The following LRFN3 variants were observed in gnomAD, a reference collection of about 807,000 sequenced individuals.
LRFN3 encodes leucine-rich repeat and fibronectin type-III domain-containing protein 3.
Under a neutral mutation model 23.8 loss-of-function variants are expected in LRFN3, and 8 were observed. That is an observed-to-expected ratio of 0.34 (90% confidence interval 0.20 to 0.61). The LOEUF (loss-of-function observed/expected upper bound fraction) is 0.61, where lower values mean the gene tolerates loss of function less well. Ranked by LOEUF, LRFN3 falls within the 20% of genes least tolerant of loss-of-function variation. The probability of loss-of-function intolerance (pLI) is 0.80; values close to 1 mark genes in which losing one functional copy is unlikely to be tolerated. For missense variants in LRFN3, 736 were observed against 935.3 expected (o/e 0.79, Z 2.78); for synonymous variants, 451 against 450.6 (o/e 1.00, Z -0.01).
rs951681667 is a variant in LRFN3 at position 35,937,322 on chromosome 19, A to G, written c.-250A>G. The G allele has an allele frequency of 3.9e-5, 6 of 152,258 alleles. No individual in the cohort carries two copies. The highest frequency in any genetic ancestry group is 1.4e-4 in the African/African-American group (6 of 41,406). The allele number at this position is 152,258 out of a possible 1,614,324, so 9.4% of individuals were successfully genotyped here. ...GACCTGGGAGACCCTGACCCTGAAC[A>G]ACCCAAACTGGACCCGTAAAACTGG... is the stretch of plus-strand genomic sequence containing the variant. On this transcript the variant is annotated 5_prime_UTR_variant, in exon 1 of 3. Coordinates refer to ENST00000246529, the MANE Select transcript of LRFN3 (RefSeq NM_024509.2).
chr19:35,939,771 G>A lies in LRFN3; in HGVS notation c.346G>A (p.Gly116Ser). The A allele has an allele frequency of 6.2e-7, 1 of 1,604,740 alleles. No homozygotes were observed. Among genetic ancestry groups the A allele is most frequent in the Non-Finnish European group, 8.5e-7 (1 of 1,179,574 alleles). The change falls in exon 2 of 3, where the codon GGC becomes AGC. Residue 116 changes from glycine to serine, a missense_variant. Gly to Ser is a moderately conservative substitution (Grantham distance 56). This residue lies in a region of LRFN3 where 446 missense variants were observed against 647.9 expected (regional missense o/e 0.69). Transcript: ENST00000246529. This position sits in a 1 kb window ranked among gnomAD's most constrained non-coding sequence, Gnocchi z 6.4. ...GGCCCTGCGTGCCCTGCACCTGGAT[G>A]GCAACCGGCTGACCTCACTGGGCGA... ...LRALRALHLD[G>S]NRLTSLGEGQ...
rs1468419868 is a variant in LRFN3, at chr19:35,937,235, A to T, written c.-337A>T. On this transcript the variant is annotated 5_prime_UTR_variant, in exon 1 of 3. Coordinates refer to ENST00000246529, the MANE Select transcript of LRFN3 (RefSeq NM_024509.2). The stretch of plus-strand genomic sequence containing the variant: ...CAGCACCCCAATATCTGAATGCAGA[A>T]CCCCGGGATCGGATCTCAGACTCTA... 6.6e-6 allele frequency: 1 copy of T among 152,060 alleles called. No homozygotes were observed. The highest frequency in any genetic ancestry group is 1.5e-5 in the Non-Finnish European group (1 of 68,040). 9.4% of individuals were successfully genotyped at this position (152,060 alleles called of 1,614,324 possible). A position where few individuals can be genotyped will look rare whatever the true frequency, so the allele number is the denominator to read the frequency against.
chr19:35,940,448 C>A lies in LRFN3; in HGVS notation c.1023C>A (p.Ser341Arg). Reference sequence around the variant, plus strand: ...AGGGCCGGCTGCTAGGCAACTCAAGCCGTGCCCGCGCCTTCCCCAATGGGA... The same window carrying A: ...AGGGCCGGCTGCTAGGCAACTCAAGACGTGCCCGCGCCTTCCCCAATGGGA... ...SPQGRLLGNS[S>R]RARAFPNGTL... is the part of the protein sequence containing the mutation. Residue 341 changes from serine to arginine, a missense_variant, in exon 2 of 3, where the codon AGC becomes AGA. Around this residue, in one of 2 missense-constraint regions of LRFN3, gnomAD observed 446 missense variants for 647.9 expected, o/e 0.69. Transcript: ENST00000246529. 1 of 1,604,396 alleles carries A rather than the reference C, an allele frequency of 6.2e-7. No homozygotes were observed. The highest frequency in any genetic ancestry group is 1.1e-5 in the South Asian group (1 of 90,488).
Position 35,945,193 on chromosome 19 carries a change from G to C in LRFN3, c.*174G>C, listed in dbSNP as rs932486799. 5 of 476,730 alleles carry C rather than the reference G, an allele frequency of 1.0e-5. No individual in the cohort carries two copies. The highest frequency in any genetic ancestry group is 3.6e-6 in the Non-Finnish European group (1 of 275,550). The allele number at this position is 476,730 out of a possible 1,614,324, so 29.5% of individuals were successfully genotyped here. ...AAGTCCTATTTTTCCAAGCTTGGGC[G>C]AAGACCCTTGCCCTCGTCTCTGTCT... On this transcript the variant is annotated 3_prime_UTR_variant, in exon 3 of 3. Transcript: ENST00000246529.
In LRFN3 at chr19:35,940,211, C is replaced by T. The variant is rs1287667931; in HGVS notation, c.786C>T (p.Arg262=). 6.2e-7 allele frequency: 1 copy of T among 1,608,994 alleles called. No individual in the cohort carries two copies. Among genetic ancestry groups the T allele is most frequent in the Non-Finnish European group, 8.5e-7 (1 of 1,179,528 alleles). The change falls in exon 2 of 3, where the codon CGC becomes CGT. Residue 262 remains arginine, a synonymous_variant. Coordinates refer to ENST00000246529, the MANE Select transcript of LRFN3 (RefSeq NM_024509.2). ...HCNCELVWLR[R]LAREDDLEAC... ...ACTGCGAGCTGGTGTGGCTGCGTCG[C>T]CTGGCGCGGGAGGACGACCTCGAGG...
rs767972004 is a variant in LRFN3, at chr19:35,944,881, C to T, written c.1749C>T (p.Cys583=). 6.3e-7 allele frequency: 1 copy of T among 1,596,680 alleles called. No homozygotes were observed. Among genetic ancestry groups the T allele is most frequent in the Admixed American group, 1.7e-5 (1 of 59,750 alleles). Residue 583 remains cysteine (C), a synonymous_variant, in exon 3 of 3, where the codon TGC becomes TGT. Transcript: ENST00000246529. The surrounding 1 kb of genome is among the most constrained non-coding windows in gnomAD (Gnocchi z 4.5). ...TTCCCGCGCCTGTTAGCAGCGTTTG[C>T]TCCCAGACCAACGGCGCCCTGGGCC... ...AKIPAPVSSV[C]SQTNGALGPT...
chr19:35,940,107 C>T lies in LRFN3; in HGVS notation c.682C>T (p.Leu228=). ...CCCACCCGACCCACTCTTCTCCCGC[C>T]TGCCCCTGCTCGCCAGGCCCCGGGG... ...TIPPDPLFSR[L]PLLARPRGSP... The change falls in exon 2 of 3, where the codon CTG becomes TTG. Residue 228 remains leucine (L), a synonymous_variant. Coordinates refer to ENST00000246529, the MANE Select transcript of LRFN3 (RefSeq NM_024509.2). The T allele has an allele frequency of 6.2e-7, 1 of 1,611,828 alleles. No homozygotes were observed. Among genetic ancestry groups the T allele is most frequent in the Non-Finnish European group, 8.5e-7 (1 of 1,179,516 alleles).
chr19:35,944,309 C>T lies in LRFN3; in HGVS notation c.1416-239C>T, dbSNP rs929485553. On this transcript the variant is annotated intron_variant, in intron 2 of 2. Coordinates refer to ENST00000246529, the MANE Select transcript of LRFN3 (RefSeq NM_024509.2). This position sits in a 1 kb window ranked among gnomAD's most constrained non-coding sequence, Gnocchi z 4.5. Reference sequence around the variant, plus strand: ...GAAAATGGGCAGCAGGCTATGAGGACGTGTGAGAGGGTGGGCTAGAGTGAA... The same window carrying T: ...GAAAATGGGCAGCAGGCTATGAGGATGTGTGAGAGGGTGGGCTAGAGTGAA... Among the ~76,000 whole-genome samples the T allele has an allele frequency of 2.0e-5, 3 of 152,212 alleles. No individual in the cohort carries two copies. In the East Asian group the frequency reaches 5.8e-4, roughly 29 times the overall value.
In LRFN3 at chr19:35,944,951, A is replaced by G. The variant is rs890812771; in HGVS notation, c.1819A>G (p.Arg607Gly). 5 of 1,480,342 alleles carry G rather than the reference A, an allele frequency of 3.4e-6. No homozygotes were observed. In the African/African-American group the frequency reaches 7.2e-5, roughly 21 times the overall value. 91.7% of individuals were successfully genotyped at this position (1,480,342 alleles called of 1,614,324 possible). The change falls in exon 3 of 3, where the codon AGG (arginine) becomes GGG (glycine). Residue 607 changes from arginine (R) to glycine (G), a missense_variant. Physicochemically the swap from Arg to Gly is moderately radical, Grantham distance 125 (BLOSUM62 -2). This residue lies in a region of LRFN3 where 290 missense variants were observed against 287.4 expected (regional missense o/e 1.01). Coordinates refer to ENST00000246529, the MANE Select transcript of LRFN3 (RefSeq NM_024509.2). This position sits in a 1 kb window ranked among gnomAD's most constrained non-coding sequence, Gnocchi z 4.5. ...APPAPEPAALRAHTVVQLDCE... is the reference protein window; with the variant it reads ...APPAPEPAALGAHTVVQLDCE... The stretch of plus-strand genomic sequence containing the variant: ...GCCCGCCCCGGAGCCCGCGGCGCTC[A>G]GGGCCCACACCGTGGTCCAGCTGGA...
In LRFN3 at chr19:35,939,955, G is replaced by A; in HGVS notation, c.530G>A (p.Gly177Asp). The A allele has an allele frequency of 6.2e-7, 1 of 1,608,408 alleles. No individual in the cohort carries two copies. Among genetic ancestry groups the A allele is most frequent in the Non-Finnish European group, 8.5e-7 (1 of 1,179,864 alleles). ...GAGCAGCTGCCCTGGGAGGCCCTGG[G>A]CCGCCTGGGCAACGTCAACACGTTG... ...NLEQLPWEALGRLGNVNTLGL... is the reference protein window; with the variant it reads ...NLEQLPWEALDRLGNVNTLGL... The change falls in exon 2 of 3, where the codon GGC (glycine) becomes GAC (aspartate). Residue 177 changes from glycine to aspartate, a missense_variant. By Grantham distance (94) the Gly-to-Asp change is moderately conservative. Coordinates refer to ENST00000246529, the MANE Select transcript of LRFN3 (RefSeq NM_024509.2). The surrounding 1 kb of genome is among the most constrained non-coding windows in gnomAD (Gnocchi z 6.4).
chr19:35,943,988 G>A (rs932114471), intron 2 of LRFN3, among the ~76,000 whole-genome samples: 1 of 152,178 alleles, frequency 6.6e-6, no homozygotes, highest in Non-Finnish European at 1.5e-5. Flanking sequence ...CCAGGAGTTT[G>A]AGACCAGCCT....
rs1976068824 is a variant in LRFN3, at chr19:35,937,412, C to T, written c.-160C>T. The stretch of plus-strand genomic sequence containing the variant: ...TATTAAGGTCTGGAGACTCCGTTGC[C>T]ACAGATTTGAGCCGAGTCAGGACAC... On this transcript the variant is annotated 5_prime_UTR_variant, in exon 1 of 3. Transcript: ENST00000246529. 6.6e-6 allele frequency: 1 copy of T among 152,552 alleles called. No individual in the cohort carries two copies. The highest frequency in any genetic ancestry group is 2.4e-5 in the African/African-American group (1 of 41,398). The allele number at this position is 152,552 out of a possible 1,614,324, so 9.4% of individuals were successfully genotyped here. A position where few individuals can be genotyped will look rare whatever the true frequency, so the allele number is the denominator to read the frequency against.
rs1047950183 is a variant in LRFN3 at position 35,944,032 on chromosome 19, A to C, written c.1416-516A>C. ...TAGCAAGAGCCTGTCTCTACAAAAAATTTAAAAATTAGCTGGGCATGGTAG... is the reference window on the plus strand; with the variant it reads ...TAGCAAGAGCCTGTCTCTACAAAAACTTTAAAAATTAGCTGGGCATGGTAG... On this transcript the variant is annotated intron_variant, in intron 2 of 2. Coordinates refer to ENST00000246529, the MANE Select transcript of LRFN3 (RefSeq NM_024509.2). This position sits in a 1 kb window ranked among gnomAD's most constrained non-coding sequence, Gnocchi z 4.5. Among the ~76,000 whole-genome samples, 9 of 152,144 alleles carry C rather than the reference A, an allele frequency of 5.9e-5. No individual in the cohort carries two copies. Among genetic ancestry groups the C allele is most frequent in the Non-Finnish European group, 1.3e-4 (9 of 68,034 alleles).
chr19:35,944,691 C>T lies in LRFN3; in HGVS notation c.1559C>T (p.Thr520Ile), dbSNP rs963482316. ...CCTGTGGGCTGCGCCCGCTTCTCCA[C>T]CGAACCTGCGCTGCGGCCATGCGGG... ...TRPVGCARFS[T>I]EPALRPCGAP... The change falls in exon 3 of 3, where the codon ACC (threonine) becomes ATC (isoleucine). Residue 520 changes from threonine (T) to isoleucine (I), a missense_variant. Around this residue, in one of 2 missense-constraint regions of LRFN3, gnomAD observed 290 missense variants for 287.4 expected, o/e 1.01. Transcript: ENST00000246529. This position sits in a 1 kb window ranked among gnomAD's most constrained non-coding sequence, Gnocchi z 4.5. The T allele has an allele frequency of 7.5e-6, 12 of 1,603,812 alleles. No homozygotes were observed. Among genetic ancestry groups the T allele is most frequent in the Non-Finnish European group, 6.8e-6 (8 of 1,176,786 alleles).
chr19:35,937,799 A>G (rs559473171), intron 1 of LRFN3, among the ~76,000 whole-genome samples: 18 of 152,052 alleles, frequency 1.2e-4, no homozygotes, highest in Admixed American at 1.1e-3. Context: ...TGCAACCCTT[A>G]CAGCCTTTCG....
rs1159536215 is a variant in LRFN3 at position 35,939,953 on chromosome 19, G to A, written c.528G>A (p.Leu176=). The change falls in exon 2 of 3, where the codon CTG becomes CTA. Residue 176 remains leucine (L), a synonymous_variant. Transcript: ENST00000246529. This position sits in a 1 kb window ranked among gnomAD's most constrained non-coding sequence, Gnocchi z 6.4. The stretch of plus-strand genomic sequence containing the variant: ...TCGAGCAGCTGCCCTGGGAGGCCCT[G>A]GGCCGCCTGGGCAACGTCAACACGT... ...NNLEQLPWEA[L]GRLGNVNTLG... 1 of 1,608,246 alleles carries A rather than the reference G, an allele frequency of 6.2e-7. No homozygotes were observed.
rs141983329 is a variant in LRFN3, at chr19:35,939,754, G to T, written c.329G>T (p.Arg110Leu). The change falls in exon 2 of 3, where the codon CGT (arginine) becomes CTT (leucine). Residue 110 changes from arginine to leucine, a missense_variant. By Grantham distance (102) the Arg-to-Leu change is moderately radical. This residue lies in a region of LRFN3 where 446 missense variants were observed against 647.9 expected (regional missense o/e 0.69). Transcript: ENST00000246529. The surrounding 1 kb of genome is among the most constrained non-coding windows in gnomAD (Gnocchi z 6.4). ...AGAFADLRAL[R>L]ALHLDGNRLT... ...GCCTTCGCCGACCTGCGGGCCCTGCGTGCCCTGCACCTGGATGGCAACCGG... is the reference window on the plus strand; with the variant it reads ...GCCTTCGCCGACCTGCGGGCCCTGCTTGCCCTGCACCTGGATGGCAACCGG... The T allele has an allele frequency of 1.6e-5, 25 of 1,604,512 alleles. No individual in the cohort carries two copies. The highest frequency in any genetic ancestry group is 2.0e-5 in the Non-Finnish European group (24 of 1,179,284).
rs775099146 is a variant in LRFN3 at position 35,940,326 on chromosome 19, C to T, written c.901C>T (p.Arg301Cys). ...FVCEPPVVTH[R>C]SPPLAVPAGR... is the part of the protein sequence containing the mutation. ...CTGCGAGCCGCCCGTGGTGACTCAC[C>T]GCTCACCACCTCTGGCTGTGCCCGC... Residue 301 changes from arginine to cysteine, a missense_variant, in exon 2 of 3, where the codon CGC becomes TGC. Physicochemically the swap from Arg to Cys is radical, Grantham distance 180. This residue lies in a region of LRFN3 where 446 missense variants were observed against 647.9 expected (regional missense o/e 0.69). Transcript: ENST00000246529. 6.3e-6 allele frequency: 10 copies of T among 1,583,458 alleles called. No individual in the cohort carries two copies. Among genetic ancestry groups the T allele is most frequent in the Non-Finnish European group, 8.5e-6 (10 of 1,169,736 alleles).
At chr19:35,938,712 T>C (rs1051938011) in intron 1 of LRFN3, among the ~76,000 whole-genome samples, 2 of 152,210 alleles carry the variant, frequency 1.3e-5, no homozygotes, top group African/African-American at 2.4e-5. Flanking sequence ...CACGTGTCTC[T>C]GACATGGTCA....
Sources: allele counts gnomAD v4.1 joint callset (sites outside exome capture counted in the v4.1 genomes callset), GRCh38; gene constraint gnomAD v4.1.1; regional missense constraint gnomAD v4.1.1; non-coding constraint Gnocchi (gnomAD v3.1); transcripts MANE v1.5; gene names NCBI Gene and HGNC (gene_info 2026-07-23, HGNC 2026-07-21).